FNIP2: variants seen among roughly 807,000 people sequenced by gnomAD.
The protein encoded by FNIP2 is folliculin-interacting protein 2.
A neutral mutation model predicts 108.7 loss-of-function variants in FNIP2; 32 were observed. That is an observed-to-expected ratio of 0.29 (90% CI 0.22 to 0.40). The LOEUF is 0.40. Among genes scored for constraint, FNIP2 ranks in the 10% least tolerant of loss-of-function variants. The probability of loss-of-function intolerance (pLI) is 1.00; values close to 1 mark genes in which losing one functional copy is unlikely to be tolerated. For missense variants in FNIP2, 1,202 were observed against 1,381.6 expected, an observed-to-expected ratio of 0.87 and a Z score of 2.06; for synonymous variants, 480 against 496.7, an observed-to-expected ratio of 0.97 and a Z score of 0.45.
At chr4:158,826,540 AG>A (rs773104366) in intron 2 of FNIP2, among the ~76,000 whole-genome samples, 107 of 152,352 alleles carry the variant, frequency 7.0e-4, no homozygotes, top group Non-Finnish European at 1.2e-3. Context: ...ATCTTCAAAA[AG>A]GATTGTTTCT....
rs936794181 is a variant in FNIP2, at chr4:158,907,346, T to C, written c.*2802T>C. 5 of 152,232 alleles carry C rather than the reference T, an allele frequency of 3.3e-5. No homozygotes were observed. The highest frequency in any genetic ancestry group is 2.1e-4 in the South Asian group (1 of 4,834). The allele number at this position is 152,232 out of a possible 1,614,324, so 9.4% of individuals were successfully genotyped here. On this transcript the variant is annotated 3_prime_UTR_variant, in exon 17 of 17. Coordinates refer to ENST00000264433, the MANE Select transcript of FNIP2 (RefSeq NM_020840.3). ...TGTGCTGTTTTTTAATGAAAGTAAC[T>C]ATAATCTTTTCACATCCCATGGAAC...
chr4:158,788,325 T>C (rs1052118242), intron 1 of FNIP2, among the ~76,000 whole-genome samples: 1 of 152,236 alleles, frequency 6.6e-6, no homozygotes, highest in African/African-American at 2.4e-5. Context: ...TACTCCCCTC[T>C]GAGGACAGGG....
rs1032826869 is a variant in FNIP2 at position 158,806,491 on chromosome 4, T to A, written c.108-19425T>A. 5 of 1,081,902 alleles carry A rather than the reference T, an allele frequency of 4.6e-6. No individual in the cohort carries two copies. The South Asian group carries it at 7.1e-5, about 15-fold the overall frequency. The allele number at this position is 1,081,902 out of a possible 1,614,324, so 67.0% of individuals were successfully genotyped here. A position where few individuals can be genotyped will look rare whatever the true frequency, so the allele number is the denominator to read the frequency against. On this transcript the variant is annotated intron_variant, in intron 1 of 16. Transcript: ENST00000264433. ...TTTAATTTACTGTGTAGTAAGGAGA[T>A]GGAATTGTATTGATCTGAAAGTTGT...
At chr4:158,777,238 T>C (rs1775891662) in intron 1 of FNIP2, among the ~76,000 whole-genome samples, 1 of 152,236 alleles carries the variant, frequency 6.6e-6, no homozygotes, top group South Asian at 2.1e-4. Context: ...CTTGTATGGC[T>C]TGGTAAAACT....
intron 15 of FNIP2, among the ~76,000 whole-genome samples, chr4:158,895,441 A>G (rs1169790317): frequency 6.6e-6 from 1 of 152,262 alleles, no homozygotes; most frequent in Non-Finnish European, 1.5e-5. Flanking sequence ...AAGGATTATT[A>G]TAAAGTTTTT....
chr4:158,823,038 C>A (rs1288272023), intron 1 of FNIP2, among the ~76,000 whole-genome samples: 1 of 152,060 alleles, frequency 6.6e-6, no homozygotes, highest in Non-Finnish European at 1.5e-5. Context: ...TCTAAAGTAG[C>A]TGTTTTCAGT....
rs185393840 is a variant in FNIP2, at chr4:158,771,518, C to T, written c.107+2199C>T. 3.0e-3 allele frequency among the ~76,000 whole-genome samples: 456 copies of T among 152,264 alleles called. 1 individual carries two copies. Among genetic ancestry groups the T allele is most frequent in the Non-Finnish European group, 5.5e-3 (375 of 68,006 alleles). On this transcript the variant is annotated intron_variant, in intron 1 of 16. Coordinates refer to ENST00000264433, the MANE Select transcript of FNIP2 (RefSeq NM_020840.3). ...ATGTACTTTGAGGGGAACAAGGTGCCTTATTGCAGGGCATTAGCTGCCCTT... is the reference window on the plus strand; with the variant it reads ...ATGTACTTTGAGGGGAACAAGGTGCTTTATTGCAGGGCATTAGCTGCCCTT...
intron 12 of FNIP2, among the ~76,000 whole-genome samples, chr4:158,864,351 A>G (rs1246255723): frequency 1.3e-5 from 2 of 152,188 alleles, no homozygotes; most frequent in African/African-American, 4.8e-5. Flanking sequence ...TAAATAACCC[A>G]CAAGCCAAAC....
intron 14 of FNIP2, chr4:158,890,108 C>G: frequency 1.0e-6 from 1 of 985,264 alleles, no homozygotes; most frequent in Non-Finnish European, 1.2e-6. Flanking sequence ...GGAAACTGGG[C>G]TTTATGAATT....
At chr4:158,800,153 ATC>A (rs1776713715) in intron 1 of FNIP2, among the ~76,000 whole-genome samples, 1 of 151,914 alleles carries the variant, frequency 6.6e-6, no homozygotes, top group Non-Finnish European at 1.5e-5. Context: ...TCTTTTCCTT[ATC>A]TCTGTGTTGT....
chr4:158,842,173 T>C (rs1194995764), intron 7 of FNIP2, among the ~76,000 whole-genome samples: 1 of 152,252 alleles, frequency 6.6e-6, no homozygotes, highest in Non-Finnish European at 1.5e-5. Context: ...ATTTACTTGG[T>C]CTTTTGCCTT....
intron 12 of FNIP2, among the ~76,000 whole-genome samples, chr4:158,862,219 A>G (rs1418723055): frequency 6.6e-6 from 1 of 152,164 alleles, no homozygotes; most frequent in Non-Finnish European, 1.5e-5. Context: ...TGTAACAATC[A>G]AAAATATCCA....
At chr4:158,900,672 C>T (rs1257510462) in intron 16 of FNIP2, among the ~76,000 whole-genome samples, 1 of 151,930 alleles carries the variant, frequency 6.6e-6, no homozygotes, top group Non-Finnish European at 1.5e-5. Flanking sequence ...CTTTTTTTCA[C>T]TTTCCATTTG....
At chr4:158,833,208 T>C (rs17285772) in intron 5 of FNIP2, among the ~76,000 whole-genome samples, 7,545 of 152,320 alleles carry the variant, frequency 0.05, 256 homozygotes, top group Non-Finnish European at 0.079. Context: ...TAGAAATGAA[T>C]AACAGTATCT....
At chr4:158,777,472 G>A (rs1390361734) in intron 1 of FNIP2, among the ~76,000 whole-genome samples, 1 of 152,218 alleles carries the variant, frequency 6.6e-6, no homozygotes, top group Admixed American at 6.5e-5. Context: ...AATCTGACAT[G>A]TTCTTTAAAA....
rs200822621 is a variant in FNIP2 at position 158,806,944 on chromosome 4, A to G, written c.108-18972A>G. Among the ~76,000 whole-genome samples, 38 of 152,258 alleles carry G rather than the reference A, an allele frequency of 2.5e-4. No homozygotes were observed. The East Asian group carries it at 3.5e-3, about 14-fold the overall frequency. On this transcript the variant is annotated intron_variant, in intron 1 of 16. Coordinates refer to ENST00000264433, the MANE Select transcript of FNIP2 (RefSeq NM_020840.3). ...ATGTTATGAACAGCAAATTTTAATA[A>G]TGGAGCTTGTCTAAAAAGAATAGCA...
intron 13 of FNIP2, 88 bp downstream of exon 13, chr4:158,869,516 A>T: frequency 1.4e-6 from 2 of 1,428,390 alleles, no homozygotes. Context: ...AGCCACTACT[A>T]TTGTCTGCTT....
intron 1 of FNIP2, among the ~76,000 whole-genome samples, chr4:158,776,285 CTCTT>C (rs1378745988): frequency 2.0e-5 from 3 of 152,232 alleles, no homozygotes; most frequent in African/African-American, 4.8e-5. Context: ...GTCATAGCAA[CTCTT>C]TCTTCACAAG....
chr4:158,898,238 T>G (rs1254731229), intron 16 of FNIP2, among the ~76,000 whole-genome samples: 1 of 152,228 alleles, frequency 6.6e-6, no homozygotes, highest in Non-Finnish European at 1.5e-5. Context: ...TTGGTTACCG[T>G]AGCCTTGTTG....
Sources: allele counts gnomAD v4.1 joint callset (sites outside exome capture counted in the v4.1 genomes callset), GRCh38; gene constraint gnomAD v4.1.1; transcripts MANE v1.5; gene names NCBI Gene and HGNC (gene_info 2026-07-23, HGNC 2026-07-21).